The following HIF1A variants were observed in gnomAD, a reference collection of about 807,000 sequenced individuals.
HIF1A encodes hypoxia-inducible factor 1-alpha.
A neutral mutation model predicts 92.7 loss-of-function variants in HIF1A; 24 were observed. The ratio of observed to expected loss-of-function variants is 0.26; its 90% CI spans 0.19 to 0.36. HIF1A has a LOEUF of 0.36. Among genes scored for constraint, HIF1A ranks in the 10% least tolerant of loss-of-function variants. The pLI is 1.00. For missense variants in HIF1A, 799 were observed against 998.5 expected, an observed-to-expected ratio of 0.80 and a Z score of 2.69; for synonymous variants, 319 against 338.7, an observed-to-expected ratio of 0.94 and a Z score of 0.64.
chr14:61,744,838 T>C, intron 13 of HIF1A, 25 bp downstream of exon 13: 1 of 1,110,730 alleles, frequency 9.0e-7, no homozygotes, highest in Non-Finnish European at 1.4e-6. Flanking sequence ...TAGGTTTTGC[T>C]TTTCTAGCTA....
rs542374450 is a variant in HIF1A, at chr14:61,732,330, A to C, written c.774-88A>C. 1.2e-4 allele frequency: 91 copies of C among 762,658 alleles called. 1 individual carries two copies. In the South Asian group the frequency reaches 1.2e-3, roughly 10 times the overall value. 47.2% of individuals were successfully genotyped at this position (762,658 alleles called of 1,614,324 possible). A position where few individuals can be genotyped will look rare whatever the true frequency, so the allele number is the denominator to read the frequency against. On this transcript the variant is annotated intron_variant, in intron 6 of 14. Coordinates refer to ENST00000337138, the MANE Select transcript of HIF1A (RefSeq NM_001530.4). ...GAAAATTCACTTGTCCATAAGATTA[A>C]TGCCTATCAGTTAACTTGGGAGGAG...
At chr14:61,740,081 T>TTTTTG in intron 10 of HIF1A, 1 of 140,690 alleles carries the variant, frequency 7.1e-6, no homozygotes, top group Admixed American at 7.3e-5. Context: ...TTTTTTTTTT[T>TTTTTG]TTTTGACATG....
At chr14:61,742,780 G>T (rs546836367) in intron 12 of HIF1A, among the ~76,000 whole-genome samples, 1 of 150,362 alleles carries the variant, frequency 6.7e-6, no homozygotes, top group South Asian at 2.1e-4. Flanking sequence ...GCTACTTTGG[G>T]AGGTTGAGGC....
intron 9 of HIF1A, among the ~76,000 whole-genome samples, 169 bp from the exon 10 acceptor site, chr14:61,737,918 T>C (rs2044658164): frequency 6.6e-6 from 1 of 151,864 alleles, no homozygotes; most frequent in South Asian, 2.1e-4. Flanking sequence ...TCCCAGCTAC[T>C]TGGGAGGCTG....
intron 4 of HIF1A, chr14:61,726,497 C>A: frequency 2.8e-6 from 1 of 355,800 alleles, no homozygotes; most frequent in East Asian, 4.7e-5. Flanking sequence ...TATCTTTCAG[C>A]CAACTCAGGG....
chr14:61,731,314 T>C (rs2044572776), intron 6 of HIF1A, among the ~76,000 whole-genome samples: 2 of 152,198 alleles, frequency 1.3e-5, no homozygotes, highest in Admixed American at 1.3e-4. Flanking sequence ...CTGTTCAGCA[T>C]GGTACTAAGA....
chr14:61,725,103 T>TA (rs759456912), intron 4 of HIF1A, among the ~76,000 whole-genome samples: 1 of 152,200 alleles, frequency 6.6e-6, no homozygotes, highest in Non-Finnish European at 1.5e-5. Context: ...CATCTCTACT[T>TA]ACTGACATTC....
At chr14:61,742,167 T>G (rs1054316729) in intron 12 of HIF1A, among the ~76,000 whole-genome samples, 1 of 152,236 alleles carries the variant, frequency 6.6e-6, no homozygotes, top group Non-Finnish European at 1.5e-5. Flanking sequence ...AATTTTTAAG[T>G]TATACTTTCT....
intron 1 of HIF1A, among the ~76,000 whole-genome samples, chr14:61,708,378 C>G (rs1265041620): frequency 7.2e-5 from 11 of 152,158 alleles, no homozygotes. Context: ...AGTCCTTGCC[C>G]ATGCCTATGT....
chr14:61,720,329 A>G, intron 1 of HIF1A, 53 bp from the exon 2 acceptor site: 1 of 1,348,580 alleles, frequency 7.4e-7, no homozygotes, highest in African/African-American at 1.5e-5. Context: ...AGTTAAGGCA[A>G]ACTAACTTGT....
chr14:61,732,337 T>C (rs2044585971), intron 6 of HIF1A, 81 bp from the exon 7 acceptor site: 1 of 787,638 alleles, frequency 1.3e-6, no homozygotes, highest in Non-Finnish European at 2.2e-6. Flanking sequence ...TTAATGCCTA[T>C]CAGTTAACTT....
intron 4 of HIF1A, among the ~76,000 whole-genome samples, chr14:61,722,627 G>A (rs995689369): frequency 6.6e-6 from 1 of 152,180 alleles, no homozygotes; most frequent in Non-Finnish European, 1.5e-5. Context: ...AAGTTGAGGT[G>A]CCAGTTTGAG....
In HIF1A at chr14:61,695,612, G is replaced by A. The variant is rs559874650; in HGVS notation, c.-193G>A. The A allele has an allele frequency of 3.2e-5, 20 of 621,162 alleles. No individual in the cohort carries two copies. Among genetic ancestry groups the A allele is most frequent in the South Asian group, 2.3e-4 (12 of 51,188 alleles). The allele number at this position is 621,162 out of a possible 1,614,324, so 38.5% of individuals were successfully genotyped here. A position where few individuals can be genotyped will look rare whatever the true frequency, so the allele number is the denominator to read the frequency against. Reference sequence around the variant, plus strand: ...GGCCCTGACAAGCCACCTGAGGAGAGGCTCGGAGCCGGGCCCGGACCCCGG... The same window carrying A: ...GGCCCTGACAAGCCACCTGAGGAGAAGCTCGGAGCCGGGCCCGGACCCCGG... On this transcript the variant is annotated 5_prime_UTR_variant, in exon 1 of 15. Coordinates refer to ENST00000337138, the MANE Select transcript of HIF1A (RefSeq NM_001530.4).
rs1306909077 is a variant in HIF1A, at chr14:61,740,894, C to G, written c.1799C>G (p.Thr600Arg). The G allele has an allele frequency of 6.2e-7, 1 of 1,614,074 alleles. No individual in the cohort carries two copies. The highest frequency in any genetic ancestry group is 8.5e-7 in the Non-Finnish European group (1 of 1,180,038). ...AGCGCAAGTCCTCAAAGCACAGTTA[C>G]AGTATTCCAGCAGACTCAAATACAA... ...PESASPQSTV[T>R]VFQQTQIQEP... Residue 600 changes from threonine (T) to arginine (R), a missense_variant, in exon 12 of 15, where the codon ACA (threonine) becomes AGA (arginine). Physicochemically the swap from Thr to Arg is moderately conservative, Grantham distance 71. This residue lies in a region of HIF1A where 283 missense variants were observed against 277.5 expected (regional missense o/e 1.02). Transcript: ENST00000337138.
At chr14:61,715,030 G>A (rs183192682) in intron 1 of HIF1A, among the ~76,000 whole-genome samples, 32 of 151,538 alleles carry the variant, frequency 2.1e-4, no homozygotes, top group African/African-American at 7.0e-4. Flanking sequence ...GTGAAATGCC[G>A]TCTCAGGAAA....
chr14:61,738,458 A>C (rs1036671017), intron 10 of HIF1A, 85 bp downstream of exon 10: 1 of 1,139,620 alleles, frequency 8.8e-7, no homozygotes, highest in Non-Finnish European at 1.3e-6. Flanking sequence ...TCAAACACTT[A>C]TTTGAACCAC....
chr14:61,747,597 C>CCA lies in HIF1A; in HGVS notation c.*512_*513insCA, dbSNP rs2044809944. The CCA allele has an allele frequency of 2.0e-5, 3 of 152,562 alleles. No individual in the cohort carries two copies. In the South Asian group the frequency reaches 6.2e-4, roughly 32 times the overall value. 9.5% of individuals were successfully genotyped at this position (152,562 alleles called of 1,614,324 possible). On this transcript the variant is annotated 3_prime_UTR_variant, in exon 15 of 15. Coordinates refer to ENST00000337138, the MANE Select transcript of HIF1A (RefSeq NM_001530.4). ...CCAGCAGTTACTCATGGAATATATT[C>CCA]TGCGTTTATAAAACTAGTTTTTAAG...
chr14:61,726,110 G>A (rs1295907712), intron 4 of HIF1A, among the ~76,000 whole-genome samples: 3 of 151,968 alleles, frequency 2.0e-5, no homozygotes, highest in African/African-American at 4.8e-5. Context: ...ATGAGCCACC[G>A]TGCCCTGCCT....
At chr14:61,736,767 A>G in intron 8 of HIF1A, 122 bp from the exon 9 acceptor site, 1 of 656,466 alleles carries the variant, frequency 1.5e-6, no homozygotes. Context: ...ATGCATCTCA[A>G]GAAATCTTGA....
Sources: gnomAD v4.1 joint callset for allele counts (sites outside exome capture counted in the v4.1 genomes callset) on GRCh38, gnomAD v4.1.1 for gene constraint, gnomAD v4.1.1 regional missense constraint, MANE v1.5 for transcripts, NCBI Gene and HGNC (gene_info 2026-07-23, HGNC 2026-07-21) for gene names.